RNF152: variants seen among roughly 807,000 people sequenced by gnomAD.
The protein encoded by RNF152 is ring finger protein 152.
RNF152 carries 11 observed loss-of-function variants against 12.7 expected under a neutral mutation model. That is an observed-to-expected ratio of 0.86 (90% confidence interval 0.54 to 1.43). The LOEUF (loss-of-function observed/expected upper bound fraction) is 1.43. RNF152 is among the 40% of genes most tolerant of loss of function. The probability of loss-of-function intolerance (pLI) is 0.00; values close to 1 mark genes in which losing one functional copy is unlikely to be tolerated. For synonymous variants in RNF152, 113 were observed against 120.3 expected (o/e 0.94, Z 0.40); for missense variants, 255 against 274.8 (o/e 0.93, Z 0.51).
chr18:61,863,160 G>A (rs1452314672), intron 1 of RNF152, among the ~76,000 whole-genome samples: 1 of 152,120 alleles, frequency 6.6e-6, no homozygotes, highest in Admixed American at 6.5e-5. Flanking sequence ...CCTTAGCCAG[G>A]CGCGGTGGCT....
intron 1 of RNF152, among the ~76,000 whole-genome samples, chr18:61,829,686 G>T (rs1909848328): frequency 6.6e-6 from 1 of 152,000 alleles, no homozygotes; most frequent in Admixed American, 6.5e-5. Flanking sequence ...GCAGGATGCG[G>T]TCCAAACCTT....
chr18:61,871,807 T>C (rs572900302), intron 1 of RNF152, among the ~76,000 whole-genome samples: 1 of 152,314 alleles, frequency 6.6e-6, no homozygotes, highest in South Asian at 2.1e-4. Context: ...TCTCAGGTTT[T>C]ACAACTATAA....
chr18:61,852,722 C>T (rs1333248910), intron 1 of RNF152, among the ~76,000 whole-genome samples: 4 of 152,144 alleles, frequency 2.6e-5, no homozygotes, highest in Admixed American at 2.6e-4. Context: ...GGGGGTGCTG[C>T]CTGGACATCA....
Position 61,874,242 on chromosome 18 carries a change from G to A in RNF152, c.-136+18553C>T, listed in dbSNP as rs186397110. Among the ~76,000 whole-genome samples the A allele has an allele frequency of 4.9e-4, 74 of 152,266 alleles. 1 individual carries two copies. The highest frequency in any genetic ancestry group is 4.4e-3 in the Admixed American group (67 of 15,300). ...CTCCTCGCTGCCGCAGTTTAACAGC[G>A]CATGAACTGACCAAAGAGAAGAATC... On this transcript the variant is annotated intron_variant, in intron 1 of 1. Transcript: ENST00000312828.
At chr18:61,838,115 A>G (rs4131216) in intron 1 of RNF152, among the ~76,000 whole-genome samples, 74,064 of 152,030 alleles carry the variant, frequency 0.49, 18,401 homozygotes, top group Non-Finnish European at 0.53. Flanking sequence ...ATCAGTCCCT[A>G]TGAAACAATT....
At chr18:61,823,301 A>G (rs759465828) in intron 1 of RNF152, among the ~76,000 whole-genome samples, 1 of 152,086 alleles carries the variant, frequency 6.6e-6, no homozygotes, top group Non-Finnish European at 1.5e-5. Flanking sequence ...TCGTTTAAAC[A>G]TGTTTTTTGT....
chr18:61,849,225 G>A (rs969265358), intron 1 of RNF152, among the ~76,000 whole-genome samples: 4 of 152,132 alleles, frequency 2.6e-5, no homozygotes, highest in African/African-American at 9.7e-5. Context: ...TTTGTCTGGG[G>A]CAAATGGTCT....
chr18:61,825,861 A>ATT (rs910125700), intron 1 of RNF152, among the ~76,000 whole-genome samples: 1 of 150,546 alleles, frequency 6.6e-6, no homozygotes, highest in African/African-American at 2.4e-5. Context: ...CCTACTCCTA[A>ATT]TTTTTTTTTT....
At chr18:61,830,061 G>A (rs1249443189) in intron 1 of RNF152, among the ~76,000 whole-genome samples, 2 of 145,362 alleles carry the variant, frequency 1.4e-5, no homozygotes, top group Admixed American at 7.1e-5. Context: ...TCACTCTGTC[G>A]CCCAGGCTGG....
intron 1 of RNF152, among the ~76,000 whole-genome samples, chr18:61,874,026 T>C (rs1912109859): frequency 6.6e-6 from 1 of 152,258 alleles, no homozygotes; most frequent in Admixed American, 6.5e-5. Context: ...TCTTTATTCA[T>C]GATCATTCTT....
chr18:61,849,328 A>C lies in RNF152; in HGVS notation c.-135-32730T>G, dbSNP rs143739862. On this transcript the variant is annotated intron_variant, in intron 1 of 1. Transcript: ENST00000312828. ...GAAAATCTACATTTTTGCTACCTTG[A>C]AGTTAACCCTGAGGAATTTCCCTGG... 4.0e-3 allele frequency among the ~76,000 whole-genome samples: 609 copies of C among 152,326 alleles called. 4 individuals are homozygous for C. Among genetic ancestry groups the C allele is most frequent in the African/African-American group, 0.013 (529 of 41,568 alleles).
At chr18:61,868,363 C>A (rs1911834059) in intron 1 of RNF152, among the ~76,000 whole-genome samples, 1 of 152,208 alleles carries the variant, frequency 6.6e-6, no homozygotes, top group African/African-American at 2.4e-5. Context: ...AGCCCAGCCA[C>A]CCCCAGCTGA....
intron 1 of RNF152, among the ~76,000 whole-genome samples, chr18:61,862,644 C>T (rs1911540190): frequency 6.6e-6 from 1 of 152,246 alleles, no homozygotes; most frequent in South Asian, 2.1e-4. Context: ...AGAAGCTCCA[C>T]ACCCTGTCCC....
chr18:61,832,678 C>T (rs1030333379), intron 1 of RNF152, among the ~76,000 whole-genome samples: 1 of 151,992 alleles, frequency 6.6e-6, no homozygotes, highest in African/African-American at 2.4e-5. Flanking sequence ...AAAAACAGCC[C>T]GATTTAACAG....
At chr18:61,865,975 A>C (rs901371551) in intron 1 of RNF152, among the ~76,000 whole-genome samples, 1 of 152,162 alleles carries the variant, frequency 6.6e-6, no homozygotes, top group Non-Finnish European at 1.5e-5. Flanking sequence ...GGCTTCTTAA[A>C]TTTCACCAAG....
At chr18:61,857,592 A>G (rs1911281552) in intron 1 of RNF152, among the ~76,000 whole-genome samples, 2 of 152,176 alleles carry the variant, frequency 1.3e-5, no homozygotes, top group South Asian at 4.1e-4. Flanking sequence ...TACTTCCTTT[A>G]AATGACCACA....
intron 1 of RNF152, among the ~76,000 whole-genome samples, chr18:61,825,916 G>C (rs1909643374): frequency 6.6e-6 from 1 of 151,966 alleles, no homozygotes. Context: ...AAGTCAATTT[G>C]TTGGCTTTTT....
chr18:61,888,109 AG>A (rs1377595388), intron 1 of RNF152: 4 of 152,236 alleles, frequency 2.6e-5, no homozygotes, highest in African/African-American at 9.7e-5. Flanking sequence ...TAGTATATCA[AG>A]GGGTAAATAA....
intron 1 of RNF152, among the ~76,000 whole-genome samples, chr18:61,879,383 TA>T (rs1220300877): frequency 6.6e-6 from 1 of 152,198 alleles, no homozygotes; most frequent in African/African-American, 2.4e-5. Context: ...ATGCAAAAAC[TA>T]TGGCATATCA....
Sources: allele counts gnomAD v4.1 joint callset (sites outside exome capture counted in the v4.1 genomes callset), GRCh38; gene constraint gnomAD v4.1.1; transcripts MANE v1.5; gene names NCBI Gene and HGNC (gene_info 2026-07-23, HGNC 2026-07-21).